Variants in GALNT9 observed in about 807,000 individuals in gnomAD.
The protein encoded by GALNT9 is polypeptide N-acetylgalactosaminyltransferase 9.
A neutral mutation model predicts 63.1 loss-of-function variants in GALNT9; 47 were observed. The observed-to-expected ratio is 0.75, with a 90% CI of 0.59 to 0.95. The LOEUF (loss-of-function observed/expected upper bound fraction) is 0.95, where lower values mean the gene tolerates loss of function less well. Ranked by LOEUF, GALNT9 falls within the 40% of genes least tolerant of loss-of-function variation. The pLI, the probability that GALNT9 is intolerant of heterozygous loss-of-function variation, is 0.00. For synonymous variants in GALNT9, 396 were observed against 365.7 expected, an observed-to-expected ratio of 1.08 and a Z score of -0.94; for missense variants, 829 against 874.8, an observed-to-expected ratio of 0.95 and a Z score of 0.66.
intron 5 of GALNT9, among the ~76,000 whole-genome samples, chr12:132,249,248 C>T (rs1555238326): frequency 1.3e-5 from 2 of 152,234 alleles, no homozygotes; most frequent in Admixed American, 1.3e-4. Flanking sequence ...CAAAGCCTCA[C>T]GCTATCCCCA....
In GALNT9 at chr12:132,236,165, C is replaced by T. The variant is rs1229997081; in HGVS notation, c.1077+11745G>A. Among the ~76,000 whole-genome samples, 3 of 152,104 alleles carry T rather than the reference C, an allele frequency of 2.0e-5. No individual in the cohort carries two copies. Among genetic ancestry groups the T allele is most frequent in the Non-Finnish European group, 4.4e-5 (3 of 68,002 alleles). ...GCAGAAGATCCCCTGGGCTGGAGTT[C>T]AAGGTCAGACGGGCCTTTCAAATAC... is the stretch of plus-strand genomic sequence containing the variant. On this transcript the variant is annotated intron_variant, in intron 6 of 10. Coordinates refer to ENST00000328957, the MANE Select transcript of GALNT9 (RefSeq NM_001122636.2). The surrounding 1 kb of genome is among the most constrained non-coding windows in gnomAD (Gnocchi z 5.6).
intron 6 of GALNT9, among the ~76,000 whole-genome samples, chr12:132,229,985 G>A (rs1019518098): frequency 7.2e-5 from 11 of 152,262 alleles, no homozygotes; most frequent in African/African-American, 2.6e-4. Flanking sequence ...GCACATTCCC[G>A]GACCCTTCTG....
chr12:132,226,459 C>T (rs1416546128), intron 6 of GALNT9, among the ~76,000 whole-genome samples: 9 of 144,006 alleles, frequency 6.2e-5, no homozygotes, highest in African/African-American at 2.3e-4. Flanking sequence ...ACACATACAC[C>T]CACCCCACAC....
At chr12:132,214,714 TA>T (rs1877114230) in intron 6 of GALNT9, among the ~76,000 whole-genome samples, 1 of 151,946 alleles carries the variant, frequency 6.6e-6, no homozygotes, top group Non-Finnish European at 1.5e-5. Context: ...TGCCTGGTGG[TA>T]CCCCCTTCTC....
chr12:132,203,751 G>A, intron 6 of GALNT9, 61 bp from the exon 7 acceptor site: 1 of 1,554,782 alleles, frequency 6.4e-7, no homozygotes, highest in Non-Finnish European at 8.6e-7. Context: ...AGCCCGGCCA[G>A]CTAGGGGCCC....
intron 2 of GALNT9, chr12:132,275,768 A>T (rs1555241138): frequency 6.6e-6 from 1 of 152,350 alleles, no homozygotes; most frequent in East Asian, 1.9e-4. Flanking sequence ...CCTTATGAAC[A>T]GGAGCCATGG....
intron 5 of GALNT9, among the ~76,000 whole-genome samples, chr12:132,253,933 G>T (rs145135935): frequency 5.1e-4 from 78 of 152,218 alleles, no homozygotes; most frequent in African/African-American, 1.7e-3. Context: ...ATGGCCGTGT[G>T]TCAATAAAGC....
intron 6 of GALNT9, 63 bp from the exon 7 acceptor site, chr12:132,203,753 TAGGGGCCCGTGAGAGGCCA>T (rs1322785978): frequency 3.2e-5 from 50 of 1,544,402 alleles, no homozygotes; most frequent in Middle Eastern, 2.2e-4. Flanking sequence ...CCCGGCCAGC[TAGGGGCCCGTGAGAGGCCA>T]AGGGGCCCGG....
chr12:132,317,612 T>G (rs782178089), intron 1 of GALNT9, among the ~76,000 whole-genome samples: 14 of 152,268 alleles, frequency 9.2e-5, no homozygotes, highest in Non-Finnish European at 1.8e-4. Flanking sequence ...AACATAATTT[T>G]GGTAAGCCTG....
chr12:132,251,889 GGT>G (rs1434686375), intron 5 of GALNT9, among the ~76,000 whole-genome samples: 3 of 152,182 alleles, frequency 2.0e-5, no homozygotes, highest in Non-Finnish European at 4.4e-5. Context: ...CATGTCCCCA[GGT>G]GTCCTCCGAA....
chr12:132,306,136 G>T (rs1881603730), intron 1 of GALNT9, among the ~76,000 whole-genome samples: 1 of 152,244 alleles, frequency 6.6e-6, no homozygotes, highest in Non-Finnish European at 1.5e-5. Context: ...CCGGGTCAGA[G>T]CCCCCGTGGG....
At chr12:132,207,787 G>A (rs529812796) in intron 6 of GALNT9, among the ~76,000 whole-genome samples, 6 of 152,180 alleles carry the variant, frequency 3.9e-5, no homozygotes, top group South Asian at 2.1e-4. Flanking sequence ...CACGGCTTGC[G>A]TGACCTGGCT....
chr12:132,201,876 TCTGTGTCTTCCTGGGA>T (rs1876158031), intron 7 of GALNT9, among the ~76,000 whole-genome samples: 1 of 152,084 alleles, frequency 6.6e-6, no homozygotes, highest in Admixed American at 6.5e-5. Context: ...GAGTGCGGTG[TCTGTGTCTTCCTGGGA>T]CTGTGGGGCC....
intron 6 of GALNT9, among the ~76,000 whole-genome samples, chr12:132,222,899 CCCCACACCCCACATACAT>C (rs1401638298): frequency 0.034 from 3,336 of 98,214 alleles, 367 homozygotes; most frequent in Middle Eastern, 0.068. Flanking sequence ...ACAACCCGCA[CCCCACACCCCACATACAT>C]CCCACACAAC....
chr12:132,200,927 G>A (rs139454259), intron 8 of GALNT9, 197 bp downstream of exon 8: 5,920 of 582,840 alleles, frequency 0.01, 50 homozygotes, highest in Non-Finnish European at 0.012. Context: ...ACGTGGATGT[G>A]CCTGCATCAC....
rs1555245928 is a variant in GALNT9 at position 132,319,153 on chromosome 12, G to A, written c.238+9813C>T. ...GAAGCTAGTTGTGATGGTGAATTCT[G>A]CATCCATAGAGAGGGCCTTGGATGC... On this transcript the variant is annotated intron_variant, in intron 1 of 10. Transcript: ENST00000328957. This position sits in a 1 kb window ranked among gnomAD's most constrained non-coding sequence, Gnocchi z 5.2. Among the ~76,000 whole-genome samples, 1 of 152,192 alleles carries A rather than the reference G, an allele frequency of 6.6e-6. No homozygotes were observed. Among genetic ancestry groups the A allele is most frequent in the African/African-American group, 2.4e-5 (1 of 41,438 alleles).
chr12:132,217,622 A>ATCCG (rs1309587346), intron 6 of GALNT9, among the ~76,000 whole-genome samples: 1 of 140,814 alleles, frequency 7.1e-6, no homozygotes, highest in African/African-American at 2.7e-5. Context: ...CCATCCATCC[A>ATCCG]TCCATTCACC....
chr12:132,284,364 G>C (rs1421646043), intron 2 of GALNT9: 1 of 152,234 alleles, frequency 6.6e-6, no homozygotes, highest in African/African-American at 2.4e-5. Context: ...TAACACACAC[G>C]AGCCGCTTTC....
At chr12:132,203,357 C>T in intron 7 of GALNT9, 148 bp downstream of exon 7, 2 of 669,578 alleles carry the variant, frequency 3.0e-6, no homozygotes, top group South Asian at 3.8e-5. Flanking sequence ...CACCTGCACA[C>T]ACAACTGCTT....
Sources: allele counts gnomAD v4.1 joint callset (sites outside exome capture counted in the v4.1 genomes callset), GRCh38; gene constraint gnomAD v4.1.1; non-coding constraint Gnocchi (gnomAD v3.1); transcripts MANE v1.5; gene names NCBI Gene and HGNC (gene_info 2026-07-23, HGNC 2026-07-21).